TMEM26: variants seen among roughly 807,000 people sequenced by gnomAD.
TMEM26 encodes transmembrane protein 26.
A neutral mutation model predicts 28.8 loss-of-function variants in TMEM26; 38 were observed. The ratio of observed to expected loss-of-function variants is 1.32; its 90% CI spans 1.02 to 1.73. The LOEUF (loss-of-function observed/expected upper bound fraction) is 1.73, where lower values mean the gene tolerates loss of function less well. TMEM26 is among the 40% of genes most tolerant of loss of function. TMEM26 has a pLI of 0.00. For synonymous variants in TMEM26, 227 were observed against 182.9 expected, an observed-to-expected ratio of 1.24 and a Z score of -1.95; for missense variants, 518 against 447.1, an observed-to-expected ratio of 1.16 and a Z score of -1.43.
chr10:61,421,550 C>T (rs745476162), intron 4 of TMEM26, among the ~76,000 whole-genome samples: 20 of 151,906 alleles, frequency 1.3e-4, no homozygotes, highest in Non-Finnish European at 1.8e-4. Flanking sequence ...GACTATTGTC[C>T]TTATAAGAAA....
chr10:61,446,815 CTCAAA>C (rs1840188951), intron 1 of TMEM26, among the ~76,000 whole-genome samples: 1 of 39,378 alleles, frequency 2.5e-5, no homozygotes, highest in African/African-American at 1.2e-4. Flanking sequence ...GAGACTCCAT[CTCAAA>C]AAAAAAAAAA....
At chr10:61,436,299 C>CAAA in intron 1 of TMEM26, 51 bp from the exon 2 acceptor site, 1 of 935,492 alleles carries the variant, frequency 1.1e-6, no homozygotes, top group South Asian at 2.1e-5. Flanking sequence ...GCTAATTTTC[C>CAAA]AAAAAAAAAA....
chr10:61,431,700 C>T (rs1467308755), intron 2 of TMEM26, among the ~76,000 whole-genome samples: 1 of 151,454 alleles, frequency 6.6e-6, no homozygotes, highest in Non-Finnish European at 1.5e-5. Context: ...TGATCCTGGT[C>T]AAGGAAATTA....
chr10:61,413,777 T>C, intron 4 of TMEM26: 1 of 1,159,026 alleles, frequency 8.6e-7, no homozygotes, highest in Non-Finnish European at 1.1e-6. Context: ...AGCCTCTTGG[T>C]CCCATATTGC....
Position 61,410,087 on chromosome 10 carries a change from C to A in TMEM26, c.*235G>T. 1 of 547,150 alleles carries A rather than the reference C, an allele frequency of 1.8e-6. No individual in the cohort carries two copies. The highest frequency in any genetic ancestry group is 3.2e-6 in the Non-Finnish European group (1 of 309,002). The allele number at this position is 547,150 out of a possible 1,614,324, so 33.9% of individuals were successfully genotyped here. A position where few individuals can be genotyped will look rare whatever the true frequency, so the allele number is the denominator to read the frequency against. ...GTTCAAGACAAACAAATCACTTAGTCGTTGAACAACTATAACATCTGATAC... is the reference window on the plus strand; with the variant it reads ...GTTCAAGACAAACAAATCACTTAGTAGTTGAACAACTATAACATCTGATAC... On this transcript the variant is annotated 3_prime_UTR_variant, in exon 6 of 6. Coordinates refer to ENST00000399298, the MANE Select transcript of TMEM26 (RefSeq NM_178505.8).
At position 61,420,891 on chromosome 10, in the gene TMEM26, T is replaced by TA. The variant is rs375179443; in HGVS notation, c.606-7357dup. Among the ~76,000 whole-genome samples, 200 of 152,160 alleles carry TA rather than the reference T, an allele frequency of 1.3e-3. 3 individuals are homozygous for TA. The highest frequency in any genetic ancestry group is 5.4e-3 in the South Asian group (26 of 4,822). On this transcript the variant is annotated intron_variant, in intron 4 of 5. Coordinates refer to ENST00000399298, the MANE Select transcript of TMEM26 (RefSeq NM_178505.8). ...ATGTATGGGAAATTCAAAGAACATA[T>TA]AAATATACAGTCATATAGATATTTT... is the stretch of plus-strand genomic sequence containing the variant.
intron 2 of TMEM26, 53 bp from the exon 3 acceptor site, chr10:61,431,385 T>C: frequency 1.6e-6 from 2 of 1,287,010 alleles, no homozygotes; most frequent in Non-Finnish European, 2.3e-6. Context: ...CACAATATGG[T>C]AGAGATCAAA....
chr10:61,438,277 T>C (rs1248855766), intron 1 of TMEM26, among the ~76,000 whole-genome samples: 1 of 152,154 alleles, frequency 6.6e-6, no homozygotes, highest in East Asian at 1.9e-4. Flanking sequence ...CAAAAGCCCA[T>C]GTTTAGCATG....
At chr10:61,419,307 C>A (rs1334024589) in intron 4 of TMEM26, among the ~76,000 whole-genome samples, 1 of 152,032 alleles carries the variant, frequency 6.6e-6, no homozygotes, top group Non-Finnish European at 1.5e-5. Context: ...AGAGGAAAAA[C>A]TGGTCAGTAG....
chr10:61,416,239 A>G, intron 4 of TMEM26: 1 of 378,868 alleles, frequency 2.6e-6, no homozygotes, highest in Non-Finnish European at 5.1e-6. Flanking sequence ...AATTCTACCA[A>G]AAACTATGTG....
chr10:61,439,783 A>C (rs576089052), intron 1 of TMEM26, among the ~76,000 whole-genome samples: 1 of 152,208 alleles, frequency 6.6e-6, no homozygotes, highest in East Asian at 1.9e-4. Flanking sequence ...GTGCTCAATA[A>C]ATGTACTTGC....
At chr10:61,452,703 G>C in intron 1 of TMEM26, 188 bp downstream of exon 1, 1 of 634,320 alleles carries the variant, frequency 1.6e-6, no homozygotes, top group Non-Finnish European at 2.7e-6. Context: ...TGTTGCACTG[G>C]GACCCTAGGG....
In TMEM26 at chr10:61,409,016, A is replaced by G. The variant is rs1839530301; in HGVS notation, c.*1306T>C. ...TAAATGTCCCTTTGAATTCTCGAGT[A>G]TACTAATCTGGGGGAATTAGGTTTT... is the stretch of plus-strand genomic sequence containing the variant. On this transcript the variant is annotated 3_prime_UTR_variant, in exon 6 of 6. Coordinates refer to ENST00000399298, the MANE Select transcript of TMEM26 (RefSeq NM_178505.8). 1 of 152,198 alleles carries G rather than the reference A, an allele frequency of 6.6e-6. No individual in the cohort carries two copies. Among genetic ancestry groups the G allele is most frequent in the African/African-American group, 2.4e-5 (1 of 41,456 alleles). 9.4% of individuals were successfully genotyped at this position (152,198 alleles called of 1,614,324 possible). A position where few individuals can be genotyped will look rare whatever the true frequency, so the allele number is the denominator to read the frequency against.
intron 4 of TMEM26, chr10:61,414,553 A>G (rs1589025219): frequency 6.6e-6 from 1 of 152,076 alleles, no homozygotes; most frequent in East Asian, 1.9e-4. Context: ...CTAAACCATC[A>G]TTATCTGTCT....
rs545785843 is a variant in TMEM26 at position 61,453,272 on chromosome 10, A to G, written c.-191T>C. 7 of 610,746 alleles carry G rather than the reference A, an allele frequency of 1.1e-5. No homozygotes were observed. The South Asian group carries it at 1.4e-4, about 12-fold the overall frequency. 37.8% of individuals were successfully genotyped at this position (610,746 alleles called of 1,614,324 possible). ...GCTCGCCCCTCCCCCAAACTTCCTG[A>G]GAACTCTTCAAAGAGGGGTGAGTCC... On this transcript the variant is annotated 5_prime_UTR_variant, in exon 1 of 6. Transcript: ENST00000399298.
intron 5 of TMEM26, among the ~76,000 whole-genome samples, chr10:61,413,242 C>G (rs565902785): frequency 6.6e-6 from 1 of 152,166 alleles, no homozygotes; most frequent in South Asian, 2.1e-4. Flanking sequence ...TAACACTATG[C>G]AATTATCTGC....
At chr10:61,428,825 T>G in intron 4 of TMEM26, 101 bp downstream of exon 4, 4 of 1,014,382 alleles carry the variant, frequency 3.9e-6, no homozygotes, top group Non-Finnish European at 5.9e-6. Flanking sequence ...TAAAATATAC[T>G]AAAAATTCTT....
chr10:61,451,986 G>GATATATATAT (rs10555555), intron 1 of TMEM26, among the ~76,000 whole-genome samples: 59 of 148,812 alleles, frequency 4.0e-4, no homozygotes, highest in African/African-American at 1.4e-3. Flanking sequence ...TTAATGTATT[G>GATATATATAT]ATATATATAT....
intron 4 of TMEM26, among the ~76,000 whole-genome samples, chr10:61,424,407 GAACATCTA>G (rs1406625366): frequency 6.6e-6 from 1 of 151,996 alleles, no homozygotes; most frequent in East Asian, 1.9e-4. Context: ...AGAAATTAAG[GAACATCTA>G]AACAAAGGAT....
Sources: gnomAD v4.1 joint callset for allele counts (sites outside exome capture counted in the v4.1 genomes callset) on GRCh38, gnomAD v4.1.1 for gene constraint, MANE v1.5 for transcripts, NCBI Gene and HGNC (gene_info 2026-07-23, HGNC 2026-07-21) for gene names.